Variants in DYNLT5 observed in about 807,000 individuals in gnomAD.
DYNLT5 encodes dynein light chain Tctex-type 5.
In DYNLT5, 25 loss-of-function variants were observed where a neutral mutation model predicts 19.3. The ratio of observed to expected loss-of-function variants is 1.30; its 90% CI spans 0.95 to 1.81. The LOEUF (loss-of-function observed/expected upper bound fraction) is 1.81. Among genes scored for constraint, DYNLT5 ranks in the 40% most tolerant of loss-of-function variants. The probability of loss-of-function intolerance (pLI) is 0.00; values close to 1 mark genes in which losing one functional copy is unlikely to be tolerated. For synonymous variants in DYNLT5, 82 were observed against 68.9 expected (o/e 1.19, Z -0.94); for missense variants, 232 against 217.9 (o/e 1.06, Z -0.41).
In DYNLT5 at chr1:66,778,735, A is replaced by G. The variant is rs1335416964; in HGVS notation, c.*1281A>G. Reference sequence around the variant, plus strand: ...CATGTAGTAAAAAATGGATACTTTTAAAATCCCTTCCCTTCTGCTATTTTC... The same window carrying G: ...CATGTAGTAAAAAATGGATACTTTTGAAATCCCTTCCCTTCTGCTATTTTC... On this transcript the variant is annotated 3_prime_UTR_variant, in exon 5 of 5. Transcript: ENST00000282670. 6.6e-6 allele frequency: 1 copy of G among 152,484 alleles called. No homozygotes were observed. The highest frequency in any genetic ancestry group is 1.9e-4 in the East Asian group (1 of 5,204). 9.4% of individuals were successfully genotyped at this position (152,484 alleles called of 1,614,324 possible).
intron 3 of DYNLT5, chr1:66,776,076 C>T (rs556504853): frequency 6.2e-5 from 32 of 517,604 alleles, no homozygotes; most frequent in Middle Eastern, 5.6e-4. Flanking sequence ...GAGATAGTCA[C>T]GTAAATGTAC....
At chr1:66,764,291 G>C (rs1460252367) in intron 2 of DYNLT5, among the ~76,000 whole-genome samples, 4 of 152,200 alleles carry the variant, frequency 2.6e-5, no homozygotes, top group African/African-American at 9.7e-5. Context: ...CTCGGCTTTT[G>C]ACATGCCTTC....
At chr1:66,770,982 C>T (rs565285498) in intron 3 of DYNLT5, 17 of 163,522 alleles carry the variant, frequency 1.0e-4, no homozygotes, top group African/African-American at 2.6e-4. Context: ...AGGTGGAGTC[C>T]GTGGCAAATA....
chr1:66,769,351 G>A (rs543274766), intron 2 of DYNLT5, among the ~76,000 whole-genome samples: 1 of 152,146 alleles, frequency 6.6e-6, no homozygotes, highest in African/African-American at 2.4e-5. Context: ...GATTACCCGT[G>A]ATTTTCTTAA....
At chr1:66,754,895 G>A (rs1156303559) in intron 2 of DYNLT5, 118 bp downstream of exon 2, 1 of 1,071,952 alleles carries the variant, frequency 9.3e-7, no homozygotes, top group African/African-American at 1.6e-5. Flanking sequence ...GCAAGTACAA[G>A]GTGCAGGTCA....
rs2150857531 is a variant in DYNLT5 at position 66,754,678 on chromosome 1, C to T, written c.20C>T (p.Ala7Val). 1 of 1,611,018 alleles carries T rather than the reference C, an allele frequency of 6.2e-7. No individual in the cohort carries two copies. The highest frequency in any genetic ancestry group is 8.5e-7 in the Non-Finnish European group (1 of 1,179,006). Reference sequence around the variant, plus strand: ...TAGGTTATGATGATGTCAGACAATGCTAAAGGCAGAGCAGCTCATTCATGG... The same window carrying T: ...TAGGTTATGATGATGTCAGACAATGTTAAAGGCAGAGCAGCTCATTCATGG... The part of the protein sequence containing the change: MMMSDN[A>V]KGRAAHSWKK... Residue 7 changes from alanine to valine, a missense_variant, in exon 2 of 5, where the codon GCT becomes GTT. Coordinates refer to ENST00000282670, the MANE Select transcript of DYNLT5 (RefSeq NM_152665.3).
chr1:66,756,505 CAT>C (rs2094636266), intron 2 of DYNLT5, among the ~76,000 whole-genome samples: 4 of 152,168 alleles, frequency 2.6e-5, no homozygotes, highest in African/African-American at 9.7e-5. Flanking sequence ...TATGGAAAAA[CAT>C]ATAACTTTCA....
At chr1:66,762,032 T>C (rs1297123009) in intron 2 of DYNLT5, among the ~76,000 whole-genome samples, 1 of 151,880 alleles carries the variant, frequency 6.6e-6, no homozygotes, top group African/African-American at 2.4e-5. Context: ...TCACCAGAAG[T>C]AGATTCCATC....
chr1:66,762,831 G>T (rs1238209909), intron 2 of DYNLT5, among the ~76,000 whole-genome samples: 2 of 152,110 alleles, frequency 1.3e-5, no homozygotes, highest in Non-Finnish European at 2.9e-5. Context: ...GAAATAGCTA[G>T]TGGGGGTTAG....
intron 3 of DYNLT5, among the ~76,000 whole-genome samples, chr1:66,772,759 C>T (rs1050124249): frequency 6.6e-6 from 1 of 152,064 alleles, no homozygotes; most frequent in Non-Finnish European, 1.5e-5. Flanking sequence ...GAGTATCATT[C>T]ATGAGAGGAG....
intron 2 of DYNLT5, among the ~76,000 whole-genome samples, chr1:66,765,007 T>A (rs2094652128): frequency 6.6e-6 from 1 of 152,156 alleles, no homozygotes; most frequent in African/African-American, 2.4e-5. Context: ...CTACATCCTG[T>A]TTTTTGAGCA....
intron 2 of DYNLT5, among the ~76,000 whole-genome samples, chr1:66,757,354 T>A (rs1230165342): frequency 1.3e-5 from 2 of 152,214 alleles, no homozygotes; most frequent in East Asian, 1.9e-4. Context: ...GAAGATTAAA[T>A]TTATATTAAA....
At chr1:66,753,680 G>A (rs1425745835) in intron 1 of DYNLT5, among the ~76,000 whole-genome samples, 2 of 152,178 alleles carry the variant, frequency 1.3e-5, no homozygotes, top group African/African-American at 4.8e-5. Flanking sequence ...CAGGCACAGT[G>A]GTTGATGCCT....
Position 66,777,539 on chromosome 1 carries a change from T to C in DYNLT5, c.*85T>C. 2 of 1,200,512 alleles carry C rather than the reference T, an allele frequency of 1.7e-6. No individual in the cohort carries two copies. The highest frequency in any genetic ancestry group is 2.3e-6 in the Non-Finnish European group (2 of 865,304). 74.4% of individuals were successfully genotyped at this position (1,200,512 alleles called of 1,614,324 possible). A position where few individuals can be genotyped will look rare whatever the true frequency, so the allele number is the denominator to read the frequency against. Reference sequence around the variant, plus strand: ...ACACAAAAGTTTTACTGCCAAAAACTTTGAGAAAGAAACAACACTGATATT... The same window carrying C: ...ACACAAAAGTTTTACTGCCAAAAACCTTGAGAAAGAAACAACACTGATATT... On this transcript the variant is annotated 3_prime_UTR_variant, in exon 5 of 5. Transcript: ENST00000282670.
intron 2 of DYNLT5, chr1:66,768,738 T>A (rs1645184216): frequency 6.6e-6 from 1 of 152,222 alleles, no homozygotes; most frequent in South Asian, 2.1e-4. Flanking sequence ...TGAGTTTTTA[T>A]GAATACCTTC....
chr1:66,754,466 A>G (rs2150857393), intron 1 of DYNLT5, among the ~76,000 whole-genome samples, 190 bp from the exon 2 acceptor site: 1 of 152,346 alleles, frequency 6.6e-6, no homozygotes. Context: ...GCATTTTCAG[A>G]GTTATCATAG....
At chr1:66,759,179 TG>T (rs2094641501) in intron 2 of DYNLT5, among the ~76,000 whole-genome samples, 1 of 152,164 alleles carries the variant, frequency 6.6e-6, no homozygotes. Flanking sequence ...TGTTTGTAAA[TG>T]GGGAAATGAT....
At chr1:66,765,425 GA>G (rs1396300870) in intron 2 of DYNLT5, among the ~76,000 whole-genome samples, 3 of 152,018 alleles carry the variant, frequency 2.0e-5, no homozygotes, top group Non-Finnish European at 2.9e-5. Flanking sequence ...AAAACGTATG[GA>G]AATGAGTTCT....
In DYNLT5 at chr1:66,777,565, T is replaced by A; in HGVS notation, c.*111T>A. On this transcript the variant is annotated 3_prime_UTR_variant, in exon 5 of 5. Coordinates refer to ENST00000282670, the MANE Select transcript of DYNLT5 (RefSeq NM_152665.3). Reference sequence around the variant, plus strand: ...TTGAGAAAGAAACAACACTGATATTTCAAGCAACTGGAAGCTTTTGAATTT... The same window carrying A: ...TTGAGAAAGAAACAACACTGATATTACAAGCAACTGGAAGCTTTTGAATTT... 1 of 893,752 alleles carries A rather than the reference T, an allele frequency of 1.1e-6. No homozygotes were observed. The highest frequency in any genetic ancestry group is 1.6e-6 in the Non-Finnish European group (1 of 609,476). The allele number at this position is 893,752 out of a possible 1,614,324, so 55.4% of individuals were successfully genotyped here. A position where few individuals can be genotyped will look rare whatever the true frequency, so the allele number is the denominator to read the frequency against.
Sources: allele counts gnomAD v4.1 joint callset (sites outside exome capture counted in the v4.1 genomes callset), GRCh38; gene constraint gnomAD v4.1.1; transcripts MANE v1.5; gene names NCBI Gene and HGNC (gene_info 2026-07-23, HGNC 2026-07-21).